Variants in TMEM218 observed in about 807,000 individuals in gnomAD.
TMEM218 encodes the protein transmembrane protein 218.
Under a neutral mutation model 10.0 loss-of-function variants are expected in TMEM218, and 8 were observed. The ratio of observed to expected loss-of-function variants is 0.80; its 90% CI spans 0.47 to 1.44. The LOEUF (loss-of-function observed/expected upper bound fraction) is 1.44. TMEM218 is among the 40% of genes most tolerant of loss of function. TMEM218 has a pLI of 0.00. For missense variants in TMEM218, 110 were observed against 140.1 expected, an observed-to-expected ratio of 0.79 and a Z score of 1.08; for synonymous variants, 66 against 63.5, an observed-to-expected ratio of 1.04 and a Z score of -0.18.
chr11:125,100,767 A>G (rs2135737572), intron 4 of TMEM218, among the ~76,000 whole-genome samples: 2 of 152,190 alleles, frequency 1.3e-5, no homozygotes, highest in South Asian at 2.1e-4. Flanking sequence ...TGTCCTCAGC[A>G]CCCTCAGGGC....
chr11:125,102,288 C>A lies in TMEM218; in HGVS notation c.-47G>T. 6.3e-7 allele frequency: 1 copy of A among 1,593,504 alleles called. No homozygotes were observed. The highest frequency in any genetic ancestry group is 1.8e-5 in the Admixed American group (1 of 55,392). On this transcript the variant is annotated 5_prime_UTR_variant, in exon 3 of 5. Transcript: ENST00000682305. Reference sequence around the variant, plus strand: ...CCCCCCGCCCTGCGCGCCGCACGATCGAGTGTCCTCTGTGCTCCAGTGCAA... The same window carrying A: ...CCCCCCGCCCTGCGCGCCGCACGATAGAGTGTCCTCTGTGCTCCAGTGCAA...
intron 4 of TMEM218, 63 bp downstream of exon 4, chr11:125,101,138 A>T (rs1950667867): frequency 7.3e-7 from 1 of 1,367,156 alleles, no homozygotes; most frequent in Admixed American, 1.8e-5. Context: ...GGCAGGACGG[A>T]TGTGCAGACC....
chr11:125,098,620 CA>C (rs1950088837), intron 4 of TMEM218, among the ~76,000 whole-genome samples: 1 of 152,190 alleles, frequency 6.6e-6, no homozygotes, highest in South Asian at 2.1e-4. Flanking sequence ...GCAATTGTGG[CA>C]GACAGAATAA....
chr11:125,096,409 G>A lies in TMEM218; in HGVS notation c.*1197C>T, dbSNP rs530349653. On this transcript the variant is annotated 3_prime_UTR_variant, in exon 5 of 5. Coordinates refer to ENST00000682305, the MANE Select transcript of TMEM218 (RefSeq NM_001258244.2). ...CTAGTGTGTTTTCTCTCTGAGACAA[G>A]CCCTGGGGCCTACCACACCTGGGTT... The A allele has an allele frequency of 5.3e-5, 8 of 152,324 alleles. No homozygotes were observed. The highest frequency in any genetic ancestry group is 1.9e-4 in the African/African-American group (8 of 41,572). The allele number at this position is 152,324 out of a possible 1,614,324, so 9.4% of individuals were successfully genotyped here. A position where few individuals can be genotyped will look rare whatever the true frequency, so the allele number is the denominator to read the frequency against.
At chr11:125,109,284 T>A (rs943146756) in intron 1 of TMEM218, among the ~76,000 whole-genome samples, 2 of 152,150 alleles carry the variant, frequency 1.3e-5, no homozygotes, top group Non-Finnish European at 1.5e-5. Flanking sequence ...TAAACAGTAA[T>A]ATATATTGTT....
intron 2 of TMEM218, 103 bp downstream of exon 2, chr11:125,102,631 C>A (rs1422817343): frequency 1.5e-6 from 2 of 1,298,824 alleles, no homozygotes; most frequent in East Asian, 5.4e-5. Flanking sequence ...GAATATAAAA[C>A]CCTACCTAAG....
At chr11:125,100,495 A>T (rs1056817543) in intron 4 of TMEM218, among the ~76,000 whole-genome samples, 1 of 152,234 alleles carries the variant, frequency 6.6e-6, no homozygotes, top group Non-Finnish European at 1.5e-5. Context: ...ATCACTTAAA[A>T]CATCAAAATG....
At chr11:125,103,730 C>T (rs1951435224) in intron 1 of TMEM218, 1 of 152,230 alleles carries the variant, frequency 6.6e-6, no homozygotes, top group East Asian at 1.9e-4. Flanking sequence ...ATTCAACTCA[C>T]AGCAGAGGAA....
intron 1 of TMEM218, chr11:125,105,007 A>C (rs1205925663): frequency 2.0e-5 from 3 of 152,218 alleles, no homozygotes. Flanking sequence ...AGGGCAGATA[A>C]GGTCTCAAGC....
intron 1 of TMEM218, among the ~76,000 whole-genome samples, chr11:125,106,180 A>G (rs7952300): frequency 0.2 from 29,879 of 152,068 alleles, 3,091 homozygotes; most frequent in East Asian, 0.24. Flanking sequence ...GCTGATCTGC[A>G]CTCTTAAAAA....
intron 4 of TMEM218, among the ~76,000 whole-genome samples, chr11:125,099,481 A>G (rs1383905201): frequency 6.6e-6 from 1 of 152,114 alleles, no homozygotes; most frequent in African/African-American, 2.4e-5. Flanking sequence ...TTTTGCTCAA[A>G]CCCCATTCTT....
At chr11:125,097,867 G>A in intron 4 of TMEM218, 127 bp from the exon 5 acceptor site, 1 of 839,552 alleles carries the variant, frequency 1.2e-6, no homozygotes, top group Non-Finnish European at 1.8e-6. Flanking sequence ...ATCCTGCCCT[G>A]AGTCTCCTCT....
chr11:125,096,501 C>G lies in TMEM218; in HGVS notation c.*1105G>C, dbSNP rs1055306888. ...TCTCTTTAAGCTTCCATTTTTTCTA[C>G]TTTAAAGTGGGGATGATAAAAATGA... On this transcript the variant is annotated 3_prime_UTR_variant, in exon 5 of 5. Coordinates refer to ENST00000682305, the MANE Select transcript of TMEM218 (RefSeq NM_001258244.2). 1 of 152,064 alleles carries G rather than the reference C, an allele frequency of 6.6e-6. No individual in the cohort carries two copies. The highest frequency in any genetic ancestry group is 6.6e-5 in the Admixed American group (1 of 15,264). 9.4% of individuals were successfully genotyped at this position (152,064 alleles called of 1,614,324 possible). A position where few individuals can be genotyped will look rare whatever the true frequency, so the allele number is the denominator to read the frequency against.
At chr11:125,102,842 G>T in intron 1 of TMEM218, 33 bp from the exon 2 acceptor site, 1 of 586,746 alleles carries the variant, frequency 1.7e-6, no homozygotes, top group Non-Finnish European at 2.6e-6. Context: ...CACTATTTTT[G>T]AACATTCACT....
chr11:125,102,785 T>C lies in TMEM218; in HGVS notation c.-128A>G. 8.6e-7 allele frequency: 1 copy of C among 1,167,072 alleles called. No individual in the cohort carries two copies. Among genetic ancestry groups the C allele is most frequent in the Non-Finnish European group, 1.1e-6 (1 of 891,418 alleles). 72.3% of individuals were successfully genotyped at this position (1,167,072 alleles called of 1,614,324 possible). On this transcript the variant is annotated 5_prime_UTR_variant, in exon 2 of 5. Transcript: ENST00000682305. Reference sequence around the variant, plus strand: ...TTCCCACTCTGTTGTCGAGTTCTTATTCAAGAGGATGAAAACTCCCAGTCC... The same window carrying C: ...TTCCCACTCTGTTGTCGAGTTCTTACTCAAGAGGATGAAAACTCCCAGTCC...
chr11:125,100,304 C>T (rs1950499551), intron 4 of TMEM218, among the ~76,000 whole-genome samples: 1 of 152,174 alleles, frequency 6.6e-6, no homozygotes, highest in Admixed American at 6.5e-5. Context: ...TGACCTTGGG[C>T]AAGTTACCTT....
At chr11:125,099,937 A>AG (rs1469514792) in intron 4 of TMEM218, among the ~76,000 whole-genome samples, 1 of 151,532 alleles carries the variant, frequency 6.6e-6, no homozygotes, top group Admixed American at 6.6e-5. Flanking sequence ...AAAAAAAAAA[A>AG]AAAAAGATAA....
intron 1 of TMEM218, chr11:125,110,880 T>C (rs1717002537): frequency 6.6e-6 from 1 of 150,572 alleles, no homozygotes; most frequent in Non-Finnish European, 1.5e-5. Context: ...CACACTTTTA[T>C]GTTTCTACTT....
intron 4 of TMEM218, among the ~76,000 whole-genome samples, chr11:125,100,267 T>C (rs1368356363): frequency 6.6e-6 from 1 of 152,236 alleles, no homozygotes; most frequent in Non-Finnish European, 1.5e-5. Context: ...GACCTCAGCT[T>C]GAATCCCTGT....
Sources: allele counts gnomAD v4.1 joint callset (sites outside exome capture counted in the v4.1 genomes callset), GRCh38; gene constraint gnomAD v4.1.1; transcripts MANE v1.5; gene names NCBI Gene and HGNC (gene_info 2026-07-23, HGNC 2026-07-21).